Variants in DPP10 observed in about 807,000 individuals in gnomAD.
The protein encoded by DPP10 is inactive dipeptidyl peptidase 10.
A neutral mutation model predicts 120.9 loss-of-function variants in DPP10; 33 were observed. The ratio of observed to expected loss-of-function variants is 0.27; its 90% CI spans 0.21 to 0.37. The LOEUF (loss-of-function observed/expected upper bound fraction) is 0.37, where lower values mean the gene tolerates loss of function less well. DPP10 is among the 10% of genes least tolerant of loss of function. The pLI, the probability that DPP10 is intolerant of heterozygous loss-of-function variation, is 1.00. For missense variants in DPP10, 816 were observed against 942.8 expected, an observed-to-expected ratio of 0.87 and a Z score of 1.76; for synonymous variants, 337 against 326.1, an observed-to-expected ratio of 1.03 and a Z score of -0.36.
chr2:115,761,460 A>G (rs1680105487), intron 11 of DPP10, among the ~76,000 whole-genome samples: 1 of 152,138 alleles, frequency 6.6e-6, no homozygotes, highest in South Asian at 2.1e-4. Flanking sequence ...ATGGAGATAA[A>G]AAGACTTTGC....
intron 3 of DPP10, among the ~76,000 whole-genome samples, chr2:115,395,012 T>G (rs2067579501): frequency 6.6e-6 from 1 of 152,204 alleles, no homozygotes; most frequent in South Asian, 2.1e-4. Flanking sequence ...GACAAAAGTT[T>G]ATGTTCTCAA....
At chr2:115,775,184 TA>T (rs1227010627) in intron 13 of DPP10, among the ~76,000 whole-genome samples, 2 of 151,818 alleles carry the variant, frequency 1.3e-5, no homozygotes, top group Non-Finnish European at 2.9e-5. Context: ...TGTCAGAATT[TA>T]GAAAAGGAAG....
At chr2:115,754,282 G>C (rs1679120096) in intron 11 of DPP10, among the ~76,000 whole-genome samples, 1 of 152,072 alleles carries the variant, frequency 6.6e-6, no homozygotes, top group South Asian at 2.1e-4. Context: ...TATAGAAAAG[G>C]ACTCCAGCAA....
chr2:114,612,597 A>G (rs1342061018), intron 1 of DPP10, among the ~76,000 whole-genome samples: 1 of 152,136 alleles, frequency 6.6e-6, no homozygotes, highest in Non-Finnish European at 1.5e-5. Context: ...AAACCTCATT[A>G]TTCTATGGTA....
intron 1 of DPP10, among the ~76,000 whole-genome samples, chr2:115,067,700 A>G (rs1416456099): frequency 1.3e-5 from 2 of 148,270 alleles, no homozygotes; most frequent in African/African-American, 2.5e-5. Context: ...CGTCTCTACT[A>G]AAAATACAAA....
chr2:115,447,531 G>A lies in DPP10; in HGVS notation c.272-51979G>A, dbSNP rs2072719062. Among the ~76,000 whole-genome samples the A allele has an allele frequency of 2.0e-5, 3 of 152,230 alleles. No homozygotes were observed. The South Asian group carries it at 6.2e-4, about 32-fold the overall frequency. ...ATCTCATCTCAAATATAATCCCCAT[G>A]TGTCAAGGGAGGGACCTGGTGGTAG... On this transcript the variant is annotated intron_variant, in intron 3 of 25. Transcript: ENST00000410059.
At chr2:115,631,926 T>TA (rs1158197057) in intron 5 of DPP10, among the ~76,000 whole-genome samples, 1 of 152,200 alleles carries the variant, frequency 6.6e-6, no homozygotes, top group Non-Finnish European at 1.5e-5. Context: ...ATCTATCAGG[T>TA]ACACTTGCTG....
At chr2:115,653,832 T>G (rs1053949062) in intron 5 of DPP10, among the ~76,000 whole-genome samples, 1 of 151,992 alleles carries the variant, frequency 6.6e-6, no homozygotes, top group East Asian at 1.9e-4. Context: ...CTGTAGAGGA[T>G]ATCTTAACTG....
At chr2:115,373,093 T>G (rs1466090071) in intron 3 of DPP10, among the ~76,000 whole-genome samples, 1 of 152,182 alleles carries the variant, frequency 6.6e-6, no homozygotes, top group Non-Finnish European at 1.5e-5. Context: ...ATGAAAGAGA[T>G]CAGGGAAAGT....
intron 1 of DPP10, among the ~76,000 whole-genome samples, chr2:114,496,478 A>C (rs1682529373): frequency 6.6e-6 from 1 of 152,074 alleles, no homozygotes; most frequent in African/African-American, 2.4e-5. Flanking sequence ...TCTGGTGAAG[A>C]TCTGACTCCT....
intron 9 of DPP10, among the ~76,000 whole-genome samples, chr2:115,742,585 A>G (rs1318385709): frequency 6.6e-6 from 1 of 152,130 alleles, no homozygotes; most frequent in Non-Finnish European, 1.5e-5. Flanking sequence ...GGACTCTAAG[A>G]AAATAATCTG....
At chr2:115,398,372 T>G (rs1010962501) in intron 3 of DPP10, among the ~76,000 whole-genome samples, 7 of 152,148 alleles carry the variant, frequency 4.6e-5, no homozygotes, top group African/African-American at 1.7e-4. Flanking sequence ...TGACATGTCC[T>G]TAACACACTG....
intron 5 of DPP10, among the ~76,000 whole-genome samples, chr2:115,540,228 G>A (rs552690687): frequency 1.3e-5 from 2 of 151,978 alleles, no homozygotes; most frequent in Admixed American, 1.3e-4. Flanking sequence ...TACTGTACTT[G>A]AAATAGACTG....
intron 1 of DPP10, among the ~76,000 whole-genome samples, chr2:115,214,973 G>A (rs2056732705): frequency 6.6e-6 from 1 of 152,126 alleles, no homozygotes; most frequent in Non-Finnish European, 1.5e-5. Context: ...TGCTGTCTTT[G>A]TTGTTGATAG....
At chr2:115,700,322 G>GA (rs980441541) in intron 7 of DPP10, among the ~76,000 whole-genome samples, 98 of 151,144 alleles carry the variant, frequency 6.5e-4, no homozygotes, top group East Asian at 4.3e-3. Flanking sequence ...TGAAATTAAA[G>GA]AAAAAAAACA....
intron 3 of DPP10, among the ~76,000 whole-genome samples, chr2:115,398,087 A>G (rs1209843751): frequency 6.6e-6 from 1 of 152,144 alleles, no homozygotes; most frequent in Non-Finnish European, 1.5e-5. Flanking sequence ...CATATAATTT[A>G]AAGACATATT....
chr2:115,332,361 T>C (rs1029429923), intron 2 of DPP10, among the ~76,000 whole-genome samples: 9 of 152,080 alleles, frequency 5.9e-5, no homozygotes, highest in South Asian at 4.1e-4. Flanking sequence ...TTTGTTGATC[T>C]TTTCGAAAAA....
intron 1 of DPP10, among the ~76,000 whole-genome samples, chr2:114,851,189 A>G (rs952760762): frequency 6.6e-6 from 1 of 152,176 alleles, no homozygotes; most frequent in African/African-American, 2.4e-5. Flanking sequence ...TTCTAACAGC[A>G]ATTTAGGCTC....
chr2:115,085,271 TC>T, intron 1 of DPP10, among the ~76,000 whole-genome samples: 1 of 152,330 alleles, frequency 6.6e-6, no homozygotes, highest in East Asian at 1.9e-4. Flanking sequence ...CCTTCCCATA[TC>T]TTTTTCTTCT....
Sources: gnomAD v4.1 joint callset for allele counts (sites outside exome capture counted in the v4.1 genomes callset) on GRCh38, gnomAD v4.1.1 for gene constraint, MANE v1.5 for transcripts, NCBI Gene and HGNC (gene_info 2026-07-23, HGNC 2026-07-21) for gene names.